ADAMTS18: variants seen among roughly 807,000 people sequenced by gnomAD.
ADAMTS18 encodes ADAM metallopeptidase with thrombospondin type 1 motif 18, also known as A disintegrin and metalloproteinase with thrombospondin motifs 18.
ADAMTS18 carries 157 observed loss-of-function variants against 165.9 expected under a neutral mutation model. That is an observed-to-expected ratio of 0.95 (90% confidence interval 0.83 to 1.08). The LOEUF is 1.08. ADAMTS18 is among the 50% of genes least tolerant of loss of function. ADAMTS18 has a pLI of 0.00. For missense variants in ADAMTS18, 2,040 were observed against 1,534.0 expected, an observed-to-expected ratio of 1.33 and a Z score of -5.51; for synonymous variants, 782 against 578.2, an observed-to-expected ratio of 1.35 and a Z score of -5.06.
chr16:77,336,606 G>C (rs1198386989), intron 11 of ADAMTS18, among the ~76,000 whole-genome samples: 4 of 152,154 alleles, frequency 2.6e-5, no homozygotes, highest in African/African-American at 7.2e-5. Context: ...TGTCTTTGAT[G>C]AATTAGCCCA....
intron 3 of ADAMTS18, among the ~76,000 whole-genome samples, chr16:77,374,110 T>A (rs895610615): frequency 1.5e-4 from 22 of 151,426 alleles, no homozygotes; most frequent in African/African-American, 5.3e-4. Context: ...TCCCAGCTAC[T>A]CAGGAGGCTG....
rs759338492 is a variant in ADAMTS18, at chr16:77,293,274, A to C, written c.3007-16T>G. 4 of 1,612,196 alleles carry C rather than the reference A, an allele frequency of 2.5e-6. No homozygotes were observed. The African/African-American group carries it at 4.0e-5, about 16-fold the overall frequency. On this transcript the variant is annotated splice_polypyrimidine_tract_variant and intron_variant, in intron 19 of 22. Coordinates refer to ENST00000282849, the MANE Select transcript of ADAMTS18 (RefSeq NM_199355.4). ...TCTTGGAACACTTGAGAAGACAAAA[A>C]AGTTCTATTTGCATTCCCATTAGGT...
chr16:77,341,903 CAG>C, intron 10 of ADAMTS18, 104 bp from the exon 11 acceptor site: 1 of 923,844 alleles, frequency 1.1e-6, no homozygotes, highest in Non-Finnish European at 1.7e-6. Flanking sequence ...TAGCTGAAAT[CAG>C]AGCAATTATT....
At chr16:77,338,484 G>A (rs2056346377) in intron 11 of ADAMTS18, among the ~76,000 whole-genome samples, 1 of 151,472 alleles carries the variant, frequency 6.6e-6, no homozygotes, top group South Asian at 2.1e-4. Flanking sequence ...TGATATGCCC[G>A]CCGAGGCCCC....
intron 3 of ADAMTS18, among the ~76,000 whole-genome samples, chr16:77,384,639 C>T (rs929348103): frequency 3.9e-5 from 6 of 152,248 alleles, no homozygotes; most frequent in African/African-American, 9.6e-5. Flanking sequence ...CTGGCTAACA[C>T]CCAACTTATG....
intron 10 of ADAMTS18, among the ~76,000 whole-genome samples, chr16:77,345,194 C>A (rs1026381454): frequency 1.3e-5 from 2 of 152,148 alleles, no homozygotes; most frequent in African/African-American, 4.8e-5. Flanking sequence ...ACCTGACATG[C>A]TGAAAATGTT....
intron 11 of ADAMTS18, among the ~76,000 whole-genome samples, chr16:77,338,440 T>G (rs1239680510): frequency 6.6e-6 from 1 of 151,832 alleles, no homozygotes; most frequent in East Asian, 2.0e-4. Flanking sequence ...TTTCACCATG[T>G]TGACCAGTGT....
chr16:77,324,911 C>T lies in ADAMTS18; in HGVS notation c.2032+955G>A, dbSNP rs573322166. Among the ~76,000 whole-genome samples, 4 of 128,716 alleles carry T rather than the reference C, an allele frequency of 3.1e-5. No homozygotes were observed. The South Asian group carries it at 1.0e-3, about 33-fold the overall frequency. 84.4% of individuals were successfully genotyped at this position (128,716 alleles called of 152,430 possible). A position where few individuals can be genotyped will look rare whatever the true frequency, so the allele number is the denominator to read the frequency against. On this transcript the variant is annotated intron_variant, in intron 13 of 22. Transcript: ENST00000282849. ...TCATGTCTGTCTCTATCTATACTTC[C>T]TGGCAAACAGTCATGACCCAAAACC...
chr16:77,314,847 A>G (rs1330870518), intron 16 of ADAMTS18, among the ~76,000 whole-genome samples: 1 of 135,760 alleles, frequency 7.4e-6, no homozygotes, highest in Non-Finnish European at 1.6e-5. Context: ...ATTATGGGCT[A>G]AGTATTTTGT....
intron 4 of ADAMTS18, among the ~76,000 whole-genome samples, chr16:77,364,666 T>A (rs1220380501): frequency 2.1e-5 from 3 of 144,606 alleles, no homozygotes; most frequent in African/African-American, 2.6e-5. Flanking sequence ...GATAAATGGG[T>A]AGGTGGGTAG....
chr16:77,341,855 A>C, intron 10 of ADAMTS18, 56 bp from the exon 11 acceptor site: 1 of 1,228,624 alleles, frequency 8.1e-7, no homozygotes, highest in Non-Finnish European at 1.2e-6. Flanking sequence ...AAAAACAAAA[A>C]TATTCAAAGA....
At position 77,309,910 on chromosome 16, in the gene ADAMTS18, A is replaced by G. The variant is rs1157772365; in HGVS notation, c.2533-9506T>C. Among the ~76,000 whole-genome samples, 4 of 152,236 alleles carry G rather than the reference A, an allele frequency of 2.6e-5. No homozygotes were observed. The East Asian group carries it at 7.7e-4, about 29-fold the overall frequency. On this transcript the variant is annotated intron_variant, in intron 16 of 22. Transcript: ENST00000282849. ...CTTCAGGAAAGCAAGTGTTTTAGGA[A>G]GCACATTGATTCCTCAAATGCATTT...
At chr16:77,413,981 T>C (rs570676477) in intron 3 of ADAMTS18, among the ~76,000 whole-genome samples, 2 of 152,338 alleles carry the variant, frequency 1.3e-5, no homozygotes, top group South Asian at 4.1e-4. Context: ...ATCAGAATTG[T>C]ACAGTTTTCT....
intron 3 of ADAMTS18, among the ~76,000 whole-genome samples, chr16:77,391,272 GC>G (rs1196080918): frequency 1.3e-5 from 2 of 152,168 alleles, no homozygotes; most frequent in Non-Finnish European, 2.9e-5. Flanking sequence ...GGAGGCCAAA[GC>G]GGGCAGATCA....
chr16:77,360,229 T>C (rs1830435973), intron 7 of ADAMTS18, among the ~76,000 whole-genome samples: 1 of 152,220 alleles, frequency 6.6e-6, no homozygotes, highest in South Asian at 2.1e-4. Flanking sequence ...GGGATCATTA[T>C]CATTACTACC....
chr16:77,356,207 A>G (rs1159849645), intron 8 of ADAMTS18, 130 bp from the exon 9 acceptor site: 52 of 1,215,520 alleles, frequency 4.3e-5, no homozygotes, highest in Non-Finnish European at 5.8e-5. Context: ...AAAACTGGAA[A>G]AGAGAAAGGC....
chr16:77,347,585 TTGAC>T (rs1304832988), intron 10 of ADAMTS18, among the ~76,000 whole-genome samples: 3 of 152,326 alleles, frequency 2.0e-5, no homozygotes, highest in South Asian at 4.1e-4. Flanking sequence ...CATGCATTTA[TTGAC>T]TATGTGTATG....
chr16:77,423,970 A>G (rs930621753), intron 3 of ADAMTS18, among the ~76,000 whole-genome samples: 1 of 152,174 alleles, frequency 6.6e-6, no homozygotes, highest in Non-Finnish European at 1.5e-5. Context: ...ACCTTCTCCT[A>G]GTTCAAAGTC....
At chr16:77,360,568 G>A (rs1314140502) in intron 7 of ADAMTS18, among the ~76,000 whole-genome samples, 1 of 120,490 alleles carries the variant, frequency 8.3e-6, no homozygotes, top group Non-Finnish European at 1.9e-5. Context: ...CTGCTTCTCA[G>A]AATCTCTCTT....
Sources: gnomAD v4.1 joint callset for allele counts (sites outside exome capture counted in the v4.1 genomes callset) on GRCh38, gnomAD v4.1.1 for gene constraint, MANE v1.5 for transcripts, NCBI Gene and HGNC (gene_info 2026-07-23, HGNC 2026-07-21) for gene names.